Variants in XRCC5 observed in about 807,000 individuals in gnomAD.
The protein encoded by XRCC5 is DNA repair protein Ku80.
XRCC5 carries 12 observed loss-of-function variants against 95.7 expected under a neutral mutation model. The ratio of observed to expected loss-of-function variants is 0.13; its 90% CI spans 0.08 to 0.20. XRCC5 has a LOEUF of 0.20. Among genes scored for constraint, XRCC5 ranks in the 10% least tolerant of loss-of-function variants. The probability of loss-of-function intolerance (pLI) is 1.00; values close to 1 mark genes in which losing one functional copy is unlikely to be tolerated. For missense variants in XRCC5, 595 were observed against 873.9 expected (o/e 0.68, Z 4.02); for synonymous variants, 281 against 290.3 (o/e 0.97, Z 0.33).
chr2:216,143,409 A>G (rs1697201662), intron 13 of XRCC5, among the ~76,000 whole-genome samples: 1 of 152,234 alleles, frequency 6.6e-6, no homozygotes, highest in African/African-American at 2.4e-5. Context: ...GTGGAGAAAA[A>G]GAGAAACTTC....
At chr2:216,187,483 T>C (rs940370533) in intron 16 of XRCC5, among the ~76,000 whole-genome samples, 3 of 101,536 alleles carry the variant, frequency 3.0e-5, no homozygotes, top group Admixed American at 2.6e-4. Context: ...TGTGTGTGTG[T>C]GTGTGTGTGT....
intron 13 of XRCC5, among the ~76,000 whole-genome samples, chr2:216,144,593 A>G (rs765931193): frequency 6.6e-6 from 1 of 152,242 alleles, no homozygotes; most frequent in Non-Finnish European, 1.5e-5. Flanking sequence ...AGATGATGTC[A>G]CCATTCAATA....
At position 216,190,215 on chromosome 2, in the gene XRCC5, T is replaced by A; in HGVS notation, c.1835-10T>A. 1 of 1,612,588 alleles carries A rather than the reference T, an allele frequency of 6.2e-7. No homozygotes were observed. The highest frequency in any genetic ancestry group is 1.1e-5 in the South Asian group (1 of 90,980). On this transcript the variant is annotated splice_polypyrimidine_tract_variant and intron_variant, in intron 16 of 20. Transcript: ENST00000392132. Reference sequence around the variant, plus strand: ...TCAAATCTAAGAAAATTTGTTGTCTTATGTTTTAGCGAGTAACCAGCTCAT... The same window carrying A: ...TCAAATCTAAGAAAATTTGTTGTCTAATGTTTTAGCGAGTAACCAGCTCAT...
chr2:216,195,250 C>T (rs764626067), intron 19 of XRCC5, among the ~76,000 whole-genome samples: 8 of 152,134 alleles, frequency 5.3e-5, no homozygotes, highest in Non-Finnish European at 1.0e-4. Context: ...CCCCATAGTG[C>T]GCAAACTTAG....
intron 10 of XRCC5, among the ~76,000 whole-genome samples, chr2:216,136,002 C>A (rs1697068442): frequency 6.6e-6 from 1 of 152,056 alleles, no homozygotes; most frequent in African/African-American, 2.4e-5. Context: ...ACTGAAGATG[C>A]CATGTCAGAT....
intron 14 of XRCC5, 94 bp downstream of exon 14, chr2:216,148,370 G>A (rs1688678648): frequency 2.3e-5 from 27 of 1,178,878 alleles, no homozygotes; most frequent in Non-Finnish European, 3.1e-5. Flanking sequence ...GGGGTCTATG[G>A]AATTTAAAAG....
intron 5 of XRCC5, among the ~76,000 whole-genome samples, chr2:216,119,489 C>T (rs1213324597): frequency 6.6e-6 from 1 of 152,042 alleles, no homozygotes; most frequent in Non-Finnish European, 1.5e-5. Flanking sequence ...CTCCTTCCTG[C>T]ATAGAAGGCT....
At chr2:216,127,887 C>G in intron 8 of XRCC5, 1 of 329,204 alleles carries the variant, frequency 3.0e-6, no homozygotes, top group South Asian at 6.5e-5. Flanking sequence ...GGTGTTCCAT[C>G]TCTGTGAGTT....
At chr2:216,138,483 G>A (rs1191232580) in intron 12 of XRCC5, among the ~76,000 whole-genome samples, 1 of 152,236 alleles carries the variant, frequency 6.6e-6, no homozygotes, top group Non-Finnish European at 1.5e-5. Context: ...CCCTGCCGAA[G>A]TGAATCTGAG....
chr2:216,160,378 A>T (rs1047674166), intron 15 of XRCC5, among the ~76,000 whole-genome samples: 1 of 152,204 alleles, frequency 6.6e-6, no homozygotes, highest in Non-Finnish European at 1.5e-5. Context: ...ATATGATATA[A>T]GGTATATAGA....
intron 16 of XRCC5, among the ~76,000 whole-genome samples, chr2:216,172,000 G>A (rs1689173873): frequency 1.3e-5 from 2 of 152,180 alleles, no homozygotes; most frequent in Non-Finnish European, 1.5e-5. Context: ...AAAAATTCCT[G>A]GGACCTGTTC....
intron 16 of XRCC5, among the ~76,000 whole-genome samples, chr2:216,172,661 G>A (rs915219768): frequency 2.0e-5 from 3 of 151,914 alleles, no homozygotes; most frequent in African/African-American, 7.3e-5. Flanking sequence ...AATAGAGACA[G>A]GGTTTCGCCA....
intron 8 of XRCC5, chr2:216,130,654 T>C (rs1696981510): frequency 1.0e-5 from 4 of 388,536 alleles, no homozygotes; most frequent in African/African-American, 2.1e-5. Context: ...TTAAAAAATG[T>C]AATTAGATTT....
In XRCC5 at chr2:216,204,309, T is replaced by C; in HGVS notation, c.2110-13T>C. ...ATATCATTTTGGTATGATAACTGAC[T>C]TTCTATTTACAGTTTCTGGCCCCCA... On this transcript the variant is annotated splice_polypyrimidine_tract_variant and intron_variant, in intron 19 of 20. Transcript: ENST00000392132. The C allele has an allele frequency of 3.7e-6, 6 of 1,613,766 alleles. No individual in the cohort carries two copies. Among genetic ancestry groups the C allele is most frequent in the Non-Finnish European group, 3.4e-6 (4 of 1,179,696 alleles).
At chr2:216,199,272 G>A (rs1689790901) in intron 19 of XRCC5, among the ~76,000 whole-genome samples, 2 of 151,992 alleles carry the variant, frequency 1.3e-5, no homozygotes, top group Admixed American at 1.3e-4. Flanking sequence ...AATTATCCAG[G>A]GATGTTCATT....
chr2:216,149,488 C>T (rs1024301502), intron 14 of XRCC5, among the ~76,000 whole-genome samples: 3 of 152,170 alleles, frequency 2.0e-5, no homozygotes, highest in African/African-American at 4.8e-5. Context: ...AATTCACTTT[C>T]CCCCTGCTAT....
intron 12 of XRCC5, among the ~76,000 whole-genome samples, chr2:216,139,484 A>G (rs1035362114): frequency 2.0e-5 from 3 of 152,176 alleles, no homozygotes; most frequent in Non-Finnish European, 2.9e-5. Context: ...TGAGAATAGC[A>G]CAAGAAAGAC....
intron 7 of XRCC5, among the ~76,000 whole-genome samples, chr2:216,126,664 C>T (rs898713318): frequency 5.3e-5 from 8 of 152,072 alleles, no homozygotes; most frequent in African/African-American, 1.7e-4. Context: ...ACATTTTAGA[C>T]ATATAAAATA....
At chr2:216,202,799 T>C (rs1359990611) in intron 19 of XRCC5, among the ~76,000 whole-genome samples, 1 of 152,226 alleles carries the variant, frequency 6.6e-6, no homozygotes, top group Non-Finnish European at 1.5e-5. Context: ...CAAACAATTA[T>C]GTCCATGGTG....
Sources: gnomAD v4.1 joint callset for allele counts (sites outside exome capture counted in the v4.1 genomes callset) on GRCh38, gnomAD v4.1.1 for gene constraint, MANE v1.5 for transcripts, NCBI Gene and HGNC (gene_info 2026-07-23, HGNC 2026-07-21) for gene names.